The following SAMSN1 variants were observed in gnomAD, a reference collection of about 807,000 sequenced individuals.
SAMSN1 encodes SAM domain, SH3 domain and nuclear localization signals 1, also known as SAM domain-containing protein SAMSN-1.
A neutral mutation model predicts 42.0 loss-of-function variants in SAMSN1; 31 were observed. That is an observed-to-expected ratio of 0.74 (90% CI 0.55 to 1.00). SAMSN1 has a LOEUF of 1.00. Ranked by LOEUF, SAMSN1 falls within the 50% of genes least tolerant of loss-of-function variation. The pLI is 0.00. For missense variants in SAMSN1, 464 were observed against 439.4 expected, an observed-to-expected ratio of 1.06 and a Z score of -0.50; for synonymous variants, 178 against 151.9, an observed-to-expected ratio of 1.17 and a Z score of -1.26.
intron 2 of SAMSN1, among the ~76,000 whole-genome samples, chr21:14,626,689 C>G (rs1209791616): frequency 2.0e-5 from 3 of 152,192 alleles, no homozygotes; most frequent in Admixed American, 1.3e-4. Context: ...GGACTGTAAA[C>G]TAGTTCAACC....
At chr21:14,521,242 A>T in intron 1 of SAMSN1, 21 bp from the exon 2 acceptor site, 2 of 1,572,956 alleles carry the variant, frequency 1.3e-6, no homozygotes, top group Non-Finnish European at 1.7e-6. Flanking sequence ...GAAAAGAAAA[A>T]GCAAAGGAAA....
intron 2 of SAMSN1, among the ~76,000 whole-genome samples, chr21:14,633,755 C>G (rs1171560589): frequency 6.6e-6 from 1 of 152,114 alleles, no homozygotes; most frequent in Non-Finnish European, 1.5e-5. Context: ...CGTGCATATC[C>G]AAGTCAGCTA....
Position 14,625,018 on chromosome 21 carries a change from G to C in SAMSN1, c.157-9002C>G, listed in dbSNP as rs913022918. ...AATCCAGCATATAAACAGAACCAACGACAAAAACCACATGATTACCTCAAT... is the reference window on the plus strand; with the variant it reads ...AATCCAGCATATAAACAGAACCAACCACAAAAACCACATGATTACCTCAAT... On this transcript the variant is annotated intron_variant, in intron 2 of 15. Transcript: ENST00000647101. Among the ~76,000 whole-genome samples, 18 of 152,076 alleles carry C rather than the reference G, an allele frequency of 1.2e-4. No homozygotes were observed. In the East Asian group the frequency reaches 3.5e-3, roughly 29 times the overall value.
intron 1 of SAMSN1, among the ~76,000 whole-genome samples, chr21:14,536,856 G>A (rs1323950446): frequency 6.6e-6 from 1 of 152,152 alleles, no homozygotes; most frequent in Non-Finnish European, 1.5e-5. Flanking sequence ...ACAGCATGTA[G>A]TAAGTTACCT....
intron 5 of SAMSN1, among the ~76,000 whole-genome samples, chr21:14,608,932 A>G (rs1486417136): frequency 6.6e-6 from 1 of 152,144 alleles, no homozygotes; most frequent in East Asian, 1.9e-4. Flanking sequence ...CTGTTTTATT[A>G]CTTGCCTTCC....
intron 5 of SAMSN1, among the ~76,000 whole-genome samples, chr21:14,606,618 A>G (rs149573426): frequency 2.0e-5 from 3 of 152,208 alleles, no homozygotes; most frequent in Non-Finnish European, 4.4e-5. Context: ...TTTAACAATT[A>G]ACCTGAATTA....
At position 14,612,905 on chromosome 21, in the gene SAMSN1, C is replaced by T. The variant is rs1050323940; in HGVS notation, c.206G>A (p.Arg69Gln). Residue 69 changes from arginine to glutamine, a missense_variant, in exon 4 of 16, where the codon CGG becomes CAG. Transcript: ENST00000647101. Reference sequence around the variant, plus strand: ...TATTTTATTTTCAGACATAAATCTCCGGAATAACCTGGAAGAATAAAAGAA... The same window carrying T: ...TATTTTATTTTCAGACATAAATCTCTGGAATAACCTGGAAGAATAAAAGAA... The T allele has an allele frequency of 8.1e-5, 57 of 704,392 alleles. 1 individual carries two copies. Among genetic ancestry groups the T allele is most frequent in the Middle Eastern group, 7.0e-4 (3 of 4,276 alleles). The allele number at this position is 704,392 out of a possible 1,614,324, so 43.6% of individuals were successfully genotyped here.
At chr21:14,494,880 G>A (rs1986849567) in intron 7 of SAMSN1, among the ~76,000 whole-genome samples, 2 of 152,050 alleles carry the variant, frequency 1.3e-5, no homozygotes, top group African/African-American at 4.8e-5. Flanking sequence ...ATATATTTAA[G>A]ACTCACATAG....
chr21:14,570,093 G>A (rs115468797), intron 2 of SAMSN1, among the ~76,000 whole-genome samples: 154 of 152,042 alleles, frequency 1.0e-3, no homozygotes, highest in African/African-American at 3.4e-3. Context: ...TATCACATGC[G>A]AGAAACTAAG....
chr21:14,500,531 G>A lies in SAMSN1; in HGVS notation c.766C>T (p.Gln256Ter). ...AAACAGAACACAGATTTGCTCACCTGCAGATGAATCCTCTCTAGGAACTCC... is the reference window on the plus strand; with the variant it reads ...AAACAGAACACAGATTTGCTCACCTACAGATGAATCCTCTCTAGGAACTCC... The part of the protein sequence containing the change: ...LQEFLERIHL[Q>*]EYTSTLLLNG... The change falls in exon 6 of 8, where the codon CAG (glutamine) becomes TAG (stop). Residue 256 changes from glutamine (Q) to a stop codon, truncating the protein, a stop_gained and splice_region_variant. Coordinates refer to ENST00000400566, the MANE Select transcript of SAMSN1 (RefSeq NM_022136.5). LOFTEE classifies it high-confidence loss of function. 6.2e-7 allele frequency: 1 copy of A among 1,613,386 alleles called. No homozygotes were observed.
At chr21:14,604,100 G>C (rs1381290596) in intron 5 of SAMSN1, among the ~76,000 whole-genome samples, 1 of 152,082 alleles carries the variant, frequency 6.6e-6, no homozygotes, top group African/African-American at 2.4e-5. Context: ...TTAAACCTTT[G>C]GTGTCTGGTC....
intron 1 of SAMSN1, among the ~76,000 whole-genome samples, chr21:14,538,657 T>A (rs1979797625): frequency 6.6e-6 from 1 of 152,176 alleles, no homozygotes; most frequent in Non-Finnish European, 1.5e-5. Context: ...CAACTATGTG[T>A]CATCCTTGTC....
chr21:14,653,967 C>T (rs1983874979), intron 1 of SAMSN1, among the ~76,000 whole-genome samples: 1 of 151,590 alleles, frequency 6.6e-6, no homozygotes, highest in African/African-American at 2.4e-5. Flanking sequence ...ATGTTTAGAA[C>T]ATTAATAATA....
chr21:14,557,398 A>C (rs1173490764), intron 2 of SAMSN1, among the ~76,000 whole-genome samples: 1 of 152,174 alleles, frequency 6.6e-6, no homozygotes, highest in Non-Finnish European at 1.5e-5. Context: ...TCTCTCCTTC[A>C]GGGACAAAGG....
intron 2 of SAMSN1, among the ~76,000 whole-genome samples, chr21:14,626,176 CT>C (rs1254957680): frequency 6.6e-6 from 1 of 152,156 alleles, no homozygotes; most frequent in Non-Finnish European, 1.5e-5. Context: ...CATAAAAACC[CT>C]AGAAGAAAAC....
intron 2 of SAMSN1, chr21:14,619,674 C>A: frequency 6.2e-6 from 2 of 324,096 alleles, no homozygotes; most frequent in Non-Finnish European, 1.3e-5. Flanking sequence ...GGCTGATATT[C>A]CTATAACAAA....
At chr21:14,501,225 T>A (rs558114234) in intron 5 of SAMSN1, among the ~76,000 whole-genome samples, 1 of 152,350 alleles carries the variant, frequency 6.6e-6, no homozygotes, top group East Asian at 1.9e-4. Flanking sequence ...CATAGTTTGA[T>A]GACATGTTTC....
chr21:14,574,877 CTTCT>C (rs535985728), intron 2 of SAMSN1, among the ~76,000 whole-genome samples: 84 of 152,214 alleles, frequency 5.5e-4, no homozygotes, highest in Middle Eastern at 3.4e-3. Flanking sequence ...TCTACAAGCT[CTTCT>C]TTATCTAATA....
At chr21:14,658,895 G>A, upstream of SAMSN1, 2 of 657,996 alleles carry the variant, frequency 3.0e-6, no homozygotes, top group Middle Eastern at 2.4e-4. Context: ...TAAAATCCCT[G>A]CCATAATCCA....
Sources: gnomAD v4.1 joint callset for allele counts (sites outside exome capture counted in the v4.1 genomes callset) on GRCh38, gnomAD v4.1.1 for gene constraint, MANE v1.5 for transcripts, NCBI Gene and HGNC (gene_info 2026-07-23, HGNC 2026-07-21) for gene names.